Variants in SH3PXD2B observed in about 807,000 individuals in gnomAD.
The protein encoded by SH3PXD2B is SH3 and PX domains 2B, also known as SH3 and PX domain-containing protein 2B.
Under a neutral mutation model 73.1 loss-of-function variants are expected in SH3PXD2B, and 37 were observed. That is an observed-to-expected ratio of 0.51 (90% CI 0.39 to 0.67). The LOEUF is 0.67. Among genes scored for constraint, SH3PXD2B ranks in the 30% least tolerant of loss-of-function variants. SH3PXD2B has a pLI of 0.00. For missense variants in SH3PXD2B, 1,053 were observed against 1,197.8 expected (o/e 0.88, Z 1.78); for synonymous variants, 457 against 480.5 (o/e 0.95, Z 0.64).
In SH3PXD2B at chr5:172,353,394, A is replaced by G. The variant is rs189195245; in HGVS notation, c.785+494T>C. On this transcript the variant is annotated intron_variant, in intron 9 of 12. Transcript: ENST00000311601. The surrounding 1 kb of genome is among the most constrained non-coding windows in gnomAD (Gnocchi z 4.3). The stretch of plus-strand genomic sequence containing the variant: ...CACCCTGCCTGCCTGGGAGGCTCTG[A>G]TATCATCACATAGGTGAAAGGGCTG... Among the ~76,000 whole-genome samples the G allele has an allele frequency of 1.3e-5, 2 of 152,322 alleles. No individual in the cohort carries two copies. Among genetic ancestry groups the G allele is most frequent in the East Asian group, 3.9e-4 (2 of 5,186 alleles).
intron 2 of SH3PXD2B, among the ~76,000 whole-genome samples, chr5:172,409,457 T>C (rs1030932735): frequency 1.1e-4 from 17 of 152,250 alleles, no homozygotes; most frequent in African/African-American, 4.1e-4. Flanking sequence ...TTTGTTTCCT[T>C]TTACAAATCT....
rs1024200003 is a variant in SH3PXD2B at position 172,432,523 on chromosome 5, T to A, written c.76-10027A>T. ...CGCAAATTTTTCACCGCTCTGCACG[T>A]GCCCATGTCCGAAAATGCCCACAAA... On this transcript the variant is annotated intron_variant, in intron 1 of 12. Coordinates refer to ENST00000311601, the MANE Select transcript of SH3PXD2B (RefSeq NM_001017995.3). 8.5e-5 allele frequency among the ~76,000 whole-genome samples: 13 copies of A among 152,300 alleles called. 1 individual carries two copies. The highest frequency in any genetic ancestry group is 8.5e-4 in the Admixed American group (13 of 15,306).
At chr5:172,360,154 G>A (rs1300071853) in intron 7 of SH3PXD2B, among the ~76,000 whole-genome samples, 1 of 152,270 alleles carries the variant, frequency 6.6e-6, no homozygotes, top group African/African-American at 2.4e-5. Context: ...TGCATGGTGG[G>A]TCTACGATTT....
Position 172,394,138 on chromosome 5 carries a change from T to G in SH3PXD2B, c.309+425A>C, listed in dbSNP as rs191903231. ...TTTGTATTTTTAGTATAGATGGGGT[T>G]TCAACATGTTTGGTCAGGCTGGTCT... On this transcript the variant is annotated intron_variant, in intron 4 of 12. Transcript: ENST00000311601. 9.5e-4 allele frequency among the ~76,000 whole-genome samples: 144 copies of G among 152,288 alleles called. 2 individuals carry two copies. Among genetic ancestry groups the G allele is most frequent in the Non-Finnish European group, 4.3e-4 (29 of 68,034 alleles).
Position 172,358,829 on chromosome 5 carries a change from G to A in SH3PXD2B, c.611C>T (p.Thr204Met), listed in dbSNP as rs773471152. The change falls in exon 8 of 13, where the codon ACG becomes ATG. Residue 204 changes from threonine (T) to methionine (M), a missense_variant. By Grantham distance (81) the Thr-to-Met change is moderately conservative. This residue lies in a region of SH3PXD2B where 466 missense variants were observed against 607.1 expected (regional missense o/e 0.77). Coordinates refer to ENST00000311601, the MANE Select transcript of SH3PXD2B (RefSeq NM_001017995.3). ...TAEEQGWVPA[T>M]CLEGQDGVQD... ...CACCCCATCCTGGCCTTCGAGGCAC[G>A]TTGCAGGGACCCAGCCTTGCTCCTC... 3 of 1,613,980 alleles carry A rather than the reference G, an allele frequency of 1.9e-6. No homozygotes were observed. Among genetic ancestry groups the A allele is most frequent in the South Asian group, 1.1e-5 (1 of 91,050 alleles).
intron 1 of SH3PXD2B, 21 bp downstream of exon 1, chr5:172,454,256 GT>G: frequency 4.4e-6 from 7 of 1,588,672 alleles, no homozygotes; most frequent in Non-Finnish European, 6.0e-6. Context: ...TCAAGGGGGC[GT>G]GGGGGCCGCG....
In SH3PXD2B at chr5:172,338,021, C is replaced by T. The variant is rs1408473366; in HGVS notation, c.*348G>A. The T allele has an allele frequency of 2.5e-6, 3 of 1,218,194 alleles. No individual in the cohort carries two copies. The East Asian group carries it at 1.4e-4, about 59-fold the overall frequency. The allele number at this position is 1,218,194 out of a possible 1,614,324, so 75.5% of individuals were successfully genotyped here. ...ATGAGAGACCCTTGCTGGAGTTTCT[C>T]CAGGCAATGGGATCCAGTCCTGGAG... On this transcript the variant is annotated 3_prime_UTR_variant, in exon 13 of 13. Transcript: ENST00000311601. This position sits in a 1 kb window ranked among gnomAD's most constrained non-coding sequence, Gnocchi z 5.1.
chr5:172,411,302 T>C (rs1758686706), intron 2 of SH3PXD2B, among the ~76,000 whole-genome samples: 1 of 152,158 alleles, frequency 6.6e-6, no homozygotes, highest in African/African-American at 2.4e-5. Flanking sequence ...TGAATGTACA[T>C]GTCAGCCAAT....
At chr5:172,401,114 A>G (rs113429843) in intron 3 of SH3PXD2B, among the ~76,000 whole-genome samples, 14,091 of 152,236 alleles carry the variant, frequency 0.093, 818 homozygotes, top group South Asian at 0.23. Flanking sequence ...TTGATCAAAA[A>G]TTGGCTAATC....
At chr5:172,403,478 G>A (rs1438053395) in intron 3 of SH3PXD2B, among the ~76,000 whole-genome samples, 1 of 138,310 alleles carries the variant, frequency 7.2e-6, no homozygotes, top group Non-Finnish European at 1.5e-5. Context: ...GGGTCCTGGG[G>A]CCCAGCGGGG....
chr5:172,436,513 A>G (rs978100393), intron 1 of SH3PXD2B, among the ~76,000 whole-genome samples: 4 of 152,196 alleles, frequency 2.6e-5, no homozygotes, highest in Admixed American at 2.0e-4. Context: ...ATAGTTAGGG[A>G]CATGAGGCCA....
At chr5:172,393,476 G>A (rs1758232661) in intron 4 of SH3PXD2B, among the ~76,000 whole-genome samples, 1 of 152,040 alleles carries the variant, frequency 6.6e-6, no homozygotes, top group Admixed American at 6.6e-5. Context: ...TTTCTGCATA[G>A]AGAATCGTGT....
chr5:172,448,177 C>A lies in SH3PXD2B; in HGVS notation c.75+6101G>T, dbSNP rs1759716150. On this transcript the variant is annotated intron_variant, in intron 1 of 12. Coordinates refer to ENST00000311601, the MANE Select transcript of SH3PXD2B (RefSeq NM_001017995.3). ...CCTTGCTCCCGGGGGCCTATCCCAG[C>A]AGCAGCATGGGCCCAGCCTGGGGCA... Among the ~76,000 whole-genome samples the A allele has an allele frequency of 2.0e-5, 3 of 152,338 alleles. No homozygotes were observed. The South Asian group carries it at 6.2e-4, about 32-fold the overall frequency.
intron 2 of SH3PXD2B, among the ~76,000 whole-genome samples, chr5:172,416,028 TCA>T (rs1327113210): frequency 1.1e-4 from 16 of 152,132 alleles, no homozygotes; most frequent in African/African-American, 3.4e-4. Context: ...AGGTGAATCT[TCA>T]TAAAGGGGAA....
intron 6 of SH3PXD2B, among the ~76,000 whole-genome samples, chr5:172,373,278 T>G (rs143234121): frequency 2.6e-5 from 4 of 152,310 alleles, no homozygotes; most frequent in Non-Finnish European, 4.4e-5. Context: ...GGGATGCCCC[T>G]CATTCTATGG....
chr5:172,432,724 C>T (rs962652300), intron 1 of SH3PXD2B, among the ~76,000 whole-genome samples: 5 of 152,144 alleles, frequency 3.3e-5, no homozygotes, highest in Non-Finnish European at 2.9e-5. Context: ...CAAGACCAGC[C>T]TGGCTGGTGA....
chr5:172,397,170 CTG>C (rs1173807061), intron 3 of SH3PXD2B, among the ~76,000 whole-genome samples: 1 of 152,078 alleles, frequency 6.6e-6, no homozygotes, highest in African/African-American at 2.4e-5. Context: ...CTGGGAACGT[CTG>C]TCTTTTATGG....
At chr5:172,406,555 G>A (rs957191015) in intron 2 of SH3PXD2B, among the ~76,000 whole-genome samples, 1 of 152,132 alleles carries the variant, frequency 6.6e-6, no homozygotes, top group Non-Finnish European at 1.5e-5. Flanking sequence ...TATATCCACA[G>A]CCGCCAGATT....
intron 12 of SH3PXD2B, among the ~76,000 whole-genome samples, chr5:172,340,425 G>C (rs1433946687): frequency 6.6e-6 from 1 of 152,180 alleles, no homozygotes. Flanking sequence ...TCGGCTTGCA[G>C]GGACCTGTGT....
Sources: gnomAD v4.1 joint callset for allele counts (sites outside exome capture counted in the v4.1 genomes callset) on GRCh38, gnomAD v4.1.1 for gene constraint, gnomAD v4.1.1 regional missense constraint, Gnocchi (gnomAD v3.1) non-coding constraint, MANE v1.5 for transcripts, NCBI Gene and HGNC (gene_info 2026-07-23, HGNC 2026-07-21) for gene names.